Variants in HCRTR2 observed in about 807,000 individuals in gnomAD.
The protein encoded by HCRTR2 is orexin receptor type 2.
A neutral mutation model predicts 49.0 loss-of-function variants in HCRTR2; 22 were observed. The observed-to-expected ratio is 0.45, with a 90% CI of 0.32 to 0.64. HCRTR2 has a LOEUF of 0.64. Among genes scored for constraint, HCRTR2 ranks in the 30% least tolerant of loss-of-function variants. The pLI, the probability that HCRTR2 is intolerant of heterozygous loss-of-function variation, is 0.04. For missense variants in HCRTR2, 491 were observed against 559.4 expected (o/e 0.88, Z 1.23); for synonymous variants, 236 against 205.3 (o/e 1.15, Z -1.28).
At position 55,226,711 on chromosome 6, in the gene HCRTR2, G is replaced by GTTTT. The variant is rs777871106; in HGVS notation, c.224-21907_224-21904dup. Reference sequence around the variant, plus strand: ...TGTAGAGTGATACCAAATTCCAGGTGTTTTTTTTTTTTTTTTTTTTTTTTG... The same window carrying GTTTT: ...TGTAGAGTGATACCAAATTCCAGGTGTTTTTTTTTTTTTTTTTTTTTTTTTTTTG... On this transcript the variant is annotated intron_variant, in intron 1 of 6. Transcript: ENST00000370862. Among the ~76,000 whole-genome samples, 285 of 74,310 alleles carry GTTTT rather than the reference G, an allele frequency of 3.8e-3. 7 individuals carry two copies. The highest frequency in any genetic ancestry group is 0.011 in the East Asian group (24 of 2,200). The allele number at this position is 74,310 out of a possible 152,430, so 48.8% of individuals were successfully genotyped here.
upstream of HCRTR2, among the ~76,000 whole-genome samples, chr6:55,173,836 G>A (rs990326693): frequency 3.3e-5 from 5 of 152,188 alleles, no homozygotes; most frequent in African/African-American, 4.8e-5. Context: ...TAAGGAGAAA[G>A]TGAAGACGGA....
intron 1 of HCRTR2, among the ~76,000 whole-genome samples, chr6:55,119,959 G>A (rs1027178137): frequency 3.9e-5 from 6 of 152,040 alleles, no homozygotes; most frequent in Admixed American, 6.6e-5. Context: ...AAGGTATAAG[G>A]AAGGGGTCCA....
chr6:55,109,818 C>T (rs953476896), intron 1 of HCRTR2, among the ~76,000 whole-genome samples: 1 of 152,108 alleles, frequency 6.6e-6, no homozygotes, highest in African/African-American at 2.4e-5. Flanking sequence ...TTGAGGAAAA[C>T]TTCTCTGGAG....
chr6:55,218,996 TA>T (rs973710821), intron 1 of HCRTR2, among the ~76,000 whole-genome samples: 2 of 151,760 alleles, frequency 1.3e-5, no homozygotes, highest in African/African-American at 4.9e-5. Context: ...GCTAATTTTT[TA>T]ACCTTTTGTA....
At position 55,145,870 on chromosome 6, in the gene HCRTR2, C is replaced by A. The variant is rs1473701080; in HGVS notation, c.-377-28341C>A. ...CCAATCTCTTGGAGCTCTCTTTCCC[C>A]ATATACTTAGAATAATCCTACATTT... On this transcript the variant is annotated intron_variant, in intron 1 of 7. Coordinates refer to the HCRTR2 transcript ENST00000615358. Among the ~76,000 whole-genome samples, 3 of 152,014 alleles carry A rather than the reference C, an allele frequency of 2.0e-5. No individual in the cohort carries two copies. In the East Asian group the frequency reaches 5.8e-4, roughly 29 times the overall value.
intron 1 of HCRTR2, among the ~76,000 whole-genome samples, chr6:55,168,325 A>C (rs1165410245): frequency 6.6e-6 from 1 of 152,202 alleles, no homozygotes; most frequent in Admixed American, 6.5e-5. Flanking sequence ...TGTAAAATTT[A>C]TATAATTTTA....
intron 1 of HCRTR2, among the ~76,000 whole-genome samples, chr6:55,126,907 C>A (rs113102371): frequency 6.6e-6 from 1 of 152,108 alleles, no homozygotes; most frequent in African/African-American, 2.4e-5. Flanking sequence ...ATGGCAGATA[C>A]CCCTCCCTCT....
chr6:55,257,754 TA>T (rs1199962002), intron 3 of HCRTR2, among the ~76,000 whole-genome samples: 1 of 151,894 alleles, frequency 6.6e-6, no homozygotes, highest in African/African-American at 2.4e-5. Flanking sequence ...GTTGAATATG[TA>T]AAAACCTAAA....
intron 3 of HCRTR2, among the ~76,000 whole-genome samples, chr6:55,261,702 A>G (rs768123933): frequency 6.6e-6 from 1 of 152,144 alleles, no homozygotes; most frequent in Non-Finnish European, 1.5e-5. Context: ...TACGACAACT[A>G]TGGAAAACAG....
intron 1 of HCRTR2, among the ~76,000 whole-genome samples, chr6:55,159,004 A>G (rs1764767769): frequency 6.6e-6 from 1 of 152,080 alleles, no homozygotes; most frequent in Admixed American, 6.5e-5. Flanking sequence ...CTGTGTCTCC[A>G]GACTGGGAGA....
intron 1 of HCRTR2, among the ~76,000 whole-genome samples, chr6:55,117,654 C>T (rs866913503): frequency 6.6e-6 from 1 of 151,246 alleles, no homozygotes; most frequent in Non-Finnish European, 1.5e-5. Flanking sequence ...AGAGCAATTG[C>T]ACCTGTTGTA....
intron 2 of HCRTR2, among the ~76,000 whole-genome samples, chr6:55,251,825 A>G (rs1766556766): frequency 6.6e-6 from 1 of 152,088 alleles, no homozygotes; most frequent in Non-Finnish European, 1.5e-5. Flanking sequence ...AGTATAGGTC[A>G]AAGACCAAGT....
intron 1 of HCRTR2, among the ~76,000 whole-genome samples, chr6:55,123,902 GT>G (rs1178334756): frequency 2.0e-5 from 3 of 152,092 alleles, no homozygotes; most frequent in Non-Finnish European, 2.9e-5. Context: ...AGGTTTTCTA[GT>G]TTTTTGTCTA....
chr6:55,208,957 A>G (rs914021126), intron 1 of HCRTR2, among the ~76,000 whole-genome samples: 12 of 152,218 alleles, frequency 7.9e-5, no homozygotes, highest in Admixed American at 6.5e-4. Flanking sequence ...GGAGGTATGA[A>G]GTACTGAAAA....
intron 6 of HCRTR2, among the ~76,000 whole-genome samples, chr6:55,281,902 CTGA>C (rs1351283710): frequency 1.3e-5 from 2 of 152,076 alleles, no homozygotes; most frequent in African/African-American, 4.8e-5. Context: ...AGTTCTTCTA[CTGA>C]TGATCACTTC....
At chr6:55,269,531 A>AAT (rs1426549796) in intron 4 of HCRTR2, among the ~76,000 whole-genome samples, 4 of 152,202 alleles carry the variant, frequency 2.6e-5, no homozygotes, top group African/African-American at 9.7e-5. Flanking sequence ...ATGAAAGATT[A>AAT]ATATATATAC....
At chr6:55,172,915 A>G (rs967109161), upstream of HCRTR2, among the ~76,000 whole-genome samples, 1 of 152,194 alleles carries the variant, frequency 6.6e-6, no homozygotes, top group Admixed American at 6.5e-5. Context: ...AACTGGTTGC[A>G]TCCAAAGAAT....
chr6:55,219,865 A>G (rs936114778), intron 1 of HCRTR2, among the ~76,000 whole-genome samples: 5 of 152,034 alleles, frequency 3.3e-5, no homozygotes, highest in Non-Finnish European at 5.9e-5. Context: ...AAAAGGAGCT[A>G]TTGCAATCAA....
chr6:55,245,752 A>G (rs1472934689), intron 1 of HCRTR2, among the ~76,000 whole-genome samples: 29 of 151,704 alleles, frequency 1.9e-4, no homozygotes, highest in Non-Finnish European at 4.0e-4. Context: ...ATGGATTCTG[A>G]TTATCTTTAG....
Sources: gnomAD v4.1 joint callset for allele counts (sites outside exome capture counted in the v4.1 genomes callset) on GRCh38, gnomAD v4.1.1 for gene constraint, MANE v1.5 for transcripts, NCBI Gene and HGNC (gene_info 2026-07-23, HGNC 2026-07-21) for gene names.